Variants in DBNL observed in about 807,000 individuals in gnomAD.
DBNL encodes drebrin-like protein.
DBNL carries 35 observed loss-of-function variants against 62.2 expected under a neutral mutation model. That is an observed-to-expected ratio of 0.56 (90% CI 0.43 to 0.75). The LOEUF is 0.75. DBNL is among the 30% of genes least tolerant of loss of function. DBNL has a pLI of 0.00. For missense variants in DBNL, 495 were observed against 578.4 expected (o/e 0.86, Z 1.48); for synonymous variants, 197 against 218.0 (o/e 0.90, Z 0.85).
Position 44,062,096 on chromosome 7 carries a change from C to T in DBNL, c.*1180C>T, listed in dbSNP as rs544777350. On this transcript the variant is annotated 3_prime_UTR_variant, in exon 13 of 13. Coordinates refer to ENST00000448521, the MANE Select transcript of DBNL (RefSeq NM_001014436.3). ...CAGAGCTGCTAGGCAGACTGCTAGG[C>T]GGTTGACTCAAGGTGTTACCTGCTA... 1.3e-5 allele frequency: 2 copies of T among 157,808 alleles called. No homozygotes were observed. The highest frequency in any genetic ancestry group is 2.4e-5 in the African/African-American group (1 of 41,604). 9.8% of individuals were successfully genotyped at this position (157,808 alleles called of 1,614,324 possible).
chr7:44,050,321 A>C (rs1230032856), intron 2 of DBNL, 41 bp downstream of exon 2: 1 of 1,610,228 alleles, frequency 6.2e-7, no homozygotes, highest in Non-Finnish European at 8.5e-7. Context: ...ACCAGGAGGT[A>C]GGAGGGTGAC....
rs375429318 is a variant in DBNL, at chr7:44,059,650, C to T, written c.1039C>T (p.Pro347Ser). The T allele has an allele frequency of 6.2e-7, 1 of 1,602,752 alleles. No homozygotes were observed. Among genetic ancestry groups the T allele is most frequent in the South Asian group, 1.1e-5 (1 of 90,380 alleles). Reference protein sequence around the residue: ...PPEQETFYEQPPLVQQQGAGS... With the variant: ...PPEQETFYEQSPLVQQQGAGS... ...AGAGCAGGAGACCTTCTACGAGCAG[C>T]CCCCACTGGTGGGTTCCTACACTGG... Residue 347 changes from proline (P) to serine (S), a missense_variant, in exon 11 of 13, where the codon CCC becomes TCC. Transcript: ENST00000448521. This position sits in a 1 kb window ranked among gnomAD's most constrained non-coding sequence, Gnocchi z 4.1.
chr7:44,064,706 T>C lies in DBNL; in HGVS notation c.*3790T>C, dbSNP rs2096155699. 2.3e-6 allele frequency: 2 copies of C among 853,090 alleles called. No homozygotes were observed. The highest frequency in any genetic ancestry group is 2.3e-5 in the Admixed American group (1 of 43,414). The allele number at this position is 853,090 out of a possible 1,614,324, so 52.8% of individuals were successfully genotyped here. ...AAAATGGCTTCTCAGCCCTCCTTTT[T>C]CAGTGAATGATGTGGAGCCCCACGC... On this transcript the variant is annotated 3_prime_UTR_variant, in exon 13 of 13. Transcript: ENST00000448521.
chr7:44,047,454 G>C (rs1426051723), intron 1 of DBNL, among the ~76,000 whole-genome samples: 1 of 152,164 alleles, frequency 6.6e-6, no homozygotes, highest in Non-Finnish European at 1.5e-5. Flanking sequence ...TCTGTCTCCC[G>C]CCCCTGCTTA....
At position 44,059,694 on chromosome 7, in the gene DBNL, G is replaced by T. The variant is rs774286633; in HGVS notation, c.1047+36G>T. 7 of 1,551,216 alleles carry T rather than the reference G, an allele frequency of 4.5e-6. No homozygotes were observed. The highest frequency in any genetic ancestry group is 6.1e-6 in the Non-Finnish European group (7 of 1,151,904). On this transcript the variant is annotated intron_variant, in intron 11 of 12. Transcript: ENST00000448521. This position sits in a 1 kb window ranked among gnomAD's most constrained non-coding sequence, Gnocchi z 4.1. ...ACACTGGGGCTGGGGCCAGGAAGGG[G>T]CTGCATACTCAGGAACACTTATCAC...
At position 44,065,357 on chromosome 7, in the gene DBNL, G is replaced by C; in HGVS notation, c.*4441G>C. The C allele has an allele frequency of 6.2e-7, 1 of 1,613,902 alleles. No individual in the cohort carries two copies. Among genetic ancestry groups the C allele is most frequent in the South Asian group, 1.1e-5 (1 of 91,088 alleles). ...GGTGCGGATGGCCCGCTTCAGCACTGACGTGTAGCAGATGTCAAACTCCAT... is the reference window on the plus strand; with the variant it reads ...GGTGCGGATGGCCCGCTTCAGCACTCACGTGTAGCAGATGTCAAACTCCAT... On this transcript the variant is annotated 3_prime_UTR_variant, in exon 13 of 13. Coordinates refer to ENST00000448521, the MANE Select transcript of DBNL (RefSeq NM_001014436.3).
rs59505066 is a variant in DBNL, at chr7:44,069,264, A to T, written c.*8348A>T. On this transcript the variant is annotated 3_prime_UTR_variant, in exon 13 of 13. Transcript: ENST00000448521. ...TGAAACTATTCTTTACTTCTTTAAG[A>T]GTTATGTGATGGTTGAATTAAGTCA... 0.33 allele frequency: 50,150 copies of T among 152,080 alleles called. 9,616 individuals are homozygous for T. The highest frequency in any genetic ancestry group is 0.68 in the East Asian group (3,511 of 5,176). The allele number at this position is 152,080 out of a possible 1,614,324, so 9.4% of individuals were successfully genotyped here.
intron 1 of DBNL, 22 bp downstream of exon 1, chr7:44,044,842 G>A: frequency 6.9e-7 from 1 of 1,450,168 alleles, no homozygotes; most frequent in Non-Finnish European, 9.1e-7. Context: ...GACGGGCCAG[G>A]GTCGGGCCAG....
rs1364759199 is a variant in DBNL at position 44,067,060 on chromosome 7, A to C, written c.*6144A>C. 3 of 152,572 alleles carry C rather than the reference A, an allele frequency of 2.0e-5. No homozygotes were observed. Among genetic ancestry groups the C allele is most frequent in the African/African-American group, 7.2e-5 (3 of 41,468 alleles). The allele number at this position is 152,572 out of a possible 1,614,324, so 9.5% of individuals were successfully genotyped here. A position where few individuals can be genotyped will look rare whatever the true frequency, so the allele number is the denominator to read the frequency against. On this transcript the variant is annotated 3_prime_UTR_variant, in exon 13 of 13. Coordinates refer to ENST00000448521, the MANE Select transcript of DBNL (RefSeq NM_001014436.3). ...AGATAGCACCAGATGCTAGGAAGGAAGGACCATAATGTACTGGGAGAGATG... is the reference window on the plus strand; with the variant it reads ...AGATAGCACCAGATGCTAGGAAGGACGGACCATAATGTACTGGGAGAGATG...
At chr7:44,056,686 T>C (rs2096137008) in intron 4 of DBNL, 71 bp from the exon 5 acceptor site, 1 of 1,600,806 alleles carries the variant, frequency 6.2e-7, no homozygotes, top group Non-Finnish European at 8.5e-7. Flanking sequence ...CCGTGCTGTA[T>C]GGACTGACAG....
At position 44,064,797 on chromosome 7, in the gene DBNL, A is replaced by AGCCCCCGGACCAGAAAGAGGC; in HGVS notation, c.*3881_*3882insGCCCCCGGACCAGAAAGAGGC. On this transcript the variant is annotated 3_prime_UTR_variant, in exon 13 of 13. Transcript: ENST00000448521. ...GAGAAGCCAGCTGGGGCTGCTGCCC[A>AGCCCCCGGACCAGAAAGAGGC]CCCACCCTGCCCAGGCTCCTGAAGG... The AGCCCCCGGACCAGAAAGAGGC allele has an allele frequency of 1.6e-6, 1 of 633,308 alleles. No individual in the cohort carries two copies. The highest frequency in any genetic ancestry group is 1.9e-5 in the African/African-American group (1 of 53,490). The allele number at this position is 633,308 out of a possible 1,614,324, so 39.2% of individuals were successfully genotyped here.
In DBNL at chr7:44,069,223, A is replaced by G. The variant is rs2096164869; in HGVS notation, c.*8307A>G. ...TGCAGGAAGAACATCATAAATGGCA[A>G]AAGTCCACATAAATATGAAACTATT... On this transcript the variant is annotated 3_prime_UTR_variant, in exon 13 of 13. Transcript: ENST00000448521. The G allele has an allele frequency of 6.6e-6, 1 of 152,256 alleles. No individual in the cohort carries two copies. Among genetic ancestry groups the G allele is most frequent in the African/African-American group, 2.4e-5 (1 of 41,474 alleles). 9.4% of individuals were successfully genotyped at this position (152,256 alleles called of 1,614,324 possible).
intron 5 of DBNL, among the ~76,000 whole-genome samples, chr7:44,057,336 G>A (rs759213991): frequency 1.3e-5 from 2 of 152,048 alleles, no homozygotes; most frequent in African/African-American, 2.4e-5. Flanking sequence ...TGGCCCCAGT[G>A]CTGTGTGGAG....
At chr7:44,047,436 A>T (rs753010836) in intron 1 of DBNL, among the ~76,000 whole-genome samples, 18 of 152,154 alleles carry the variant, frequency 1.2e-4, no homozygotes, top group Non-Finnish European at 7.4e-5. Flanking sequence ...TCAGCTCTCC[A>T]TCTTGGATCT....
Position 44,058,276 on chromosome 7 carries a change from C to G in DBNL, c.700C>G (p.Gln234Glu), listed in dbSNP as rs759246763. 6.3e-7 allele frequency: 1 copy of G among 1,575,052 alleles called. No individual in the cohort carries two copies. Among genetic ancestry groups the G allele is most frequent in the Non-Finnish European group, 8.6e-7 (1 of 1,160,594 alleles). Residue 234 changes from glutamine (Q) to glutamate (E), a missense_variant, in exon 7 of 13, where the codon CAG (glutamine) becomes GAG (glutamate). Transcript: ENST00000448521. Reference protein sequence around the residue: ...YQEQGGEASPQRTWEQQQEVV... With the variant: ...YQEQGGEASPERTWEQQQEVV... ...GGAGCAGGGTGGCGAGGCCAGCCCC[C>G]AGAGGTGAGCCAGAGGTGGAGGCTG...
Position 44,065,445 on chromosome 7 carries a change from C to T in DBNL, c.*4529C>T. On this transcript the variant is annotated 3_prime_UTR_variant, in exon 13 of 13. Coordinates refer to ENST00000448521, the MANE Select transcript of DBNL (RefSeq NM_001014436.3). Reference sequence around the variant, plus strand: ...TCCTCGGTCCCCTTTTCACTCAGCTCTGCATCGAACCAGCCACAGAAACGG... The same window carrying T: ...TCCTCGGTCCCCTTTTCACTCAGCTTTGCATCGAACCAGCCACAGAAACGG... 1.2e-6 allele frequency: 2 copies of T among 1,614,126 alleles called. No individual in the cohort carries two copies. The highest frequency in any genetic ancestry group is 2.2e-5 in the South Asian group (2 of 91,084).
At position 44,064,812 on chromosome 7, in the gene DBNL, G is replaced by T; in HGVS notation, c.*3896G>T. 2 of 1,272,684 alleles carry T rather than the reference G, an allele frequency of 1.6e-6. No individual in the cohort carries two copies. Among genetic ancestry groups the T allele is most frequent in the Non-Finnish European group, 1.1e-6 (1 of 919,676 alleles). 78.8% of individuals were successfully genotyped at this position (1,272,684 alleles called of 1,614,324 possible). A position where few individuals can be genotyped will look rare whatever the true frequency, so the allele number is the denominator to read the frequency against. On this transcript the variant is annotated 3_prime_UTR_variant, in exon 13 of 13. Transcript: ENST00000448521. ...GCTGCTGCCCACCCACCCTGCCCAG[G>T]CTCCTGAAGGTGGCCTCACCTTCCA...
At position 44,063,321 on chromosome 7, in the gene DBNL, C is replaced by A. The variant is rs183455817; in HGVS notation, c.*2405C>A. On this transcript the variant is annotated 3_prime_UTR_variant, in exon 13 of 13. Coordinates refer to ENST00000448521, the MANE Select transcript of DBNL (RefSeq NM_001014436.3). ...TTTTTTGAGATGGAGTTTTACTCCTCTTGCCCAGGCTGGAGTGCAGTGGCA... is the reference window on the plus strand; with the variant it reads ...TTTTTTGAGATGGAGTTTTACTCCTATTGCCCAGGCTGGAGTGCAGTGGCA... 5.0e-4 allele frequency: 150 copies of A among 297,752 alleles called. No individual in the cohort carries two copies. In the East Asian group the frequency reaches 0.012, roughly 24 times the overall value. The allele number at this position is 297,752 out of a possible 1,614,324, so 18.4% of individuals were successfully genotyped here.
At position 44,065,424 on chromosome 7, in the gene DBNL, C is replaced by T. The variant is rs1044665276; in HGVS notation, c.*4508C>T. Reference sequence around the variant, plus strand: ...GCCTTGGCTCCCCGCTTGGCCTCCTCGGTCCCCTTTTCACTCAGCTCTGCA... The same window carrying T: ...GCCTTGGCTCCCCGCTTGGCCTCCTTGGTCCCCTTTTCACTCAGCTCTGCA... On this transcript the variant is annotated 3_prime_UTR_variant, in exon 13 of 13. Transcript: ENST00000448521. 1.3e-5 allele frequency: 21 copies of T among 1,614,020 alleles called. No individual in the cohort carries two copies. Among genetic ancestry groups the T allele is most frequent in the Admixed American group, 1.0e-4 (6 of 60,014 alleles).
Sources: gnomAD v4.1 joint callset for allele counts (sites outside exome capture counted in the v4.1 genomes callset) on GRCh38, gnomAD v4.1.1 for gene constraint, Gnocchi (gnomAD v3.1) non-coding constraint, MANE v1.5 for transcripts, NCBI Gene and HGNC (gene_info 2026-07-23, HGNC 2026-07-21) for gene names.